Variants in SLIT3 observed in about 807,000 individuals in gnomAD.
SLIT3 encodes slit homolog 3 protein.
In SLIT3, 68 loss-of-function variants were observed where a neutral mutation model predicts 184.0. The ratio of observed to expected loss-of-function variants is 0.37; its 90% CI spans 0.30 to 0.45. The LOEUF (loss-of-function observed/expected upper bound fraction) is 0.45, where lower values mean the gene tolerates loss of function less well. Ranked by LOEUF, SLIT3 falls within the 20% of genes least tolerant of loss-of-function variation. The pLI, the probability that SLIT3 is intolerant of heterozygous loss-of-function variation, is 1.00. For missense variants in SLIT3, 1,707 were observed against 2,026.0 expected, an observed-to-expected ratio of 0.84 and a Z score of 3.02; for synonymous variants, 831 against 828.6, an observed-to-expected ratio of 1.00 and a Z score of -0.05.
Position 168,806,595 on chromosome 5 carries a change from G to A in SLIT3, c.794-8C>T, listed in dbSNP as rs769889260. ...GGGGCTCCGAGTGGGGGGCTGTGGAGCCAAGACACAACGGTCAACTTATGT... is the reference window on the plus strand; with the variant it reads ...GGGGCTCCGAGTGGGGGGCTGTGGAACCAAGACACAACGGTCAACTTATGT... On this transcript the variant is annotated splice_polypyrimidine_tract_variant and splice_region_variant and intron_variant, in intron 8 of 35. Transcript: ENST00000519560. 2 of 1,613,970 alleles carry A rather than the reference G, an allele frequency of 1.2e-6. No homozygotes were observed. Among genetic ancestry groups the A allele is most frequent in the South Asian group, 2.2e-5 (2 of 91,074 alleles).
intron 20 of SLIT3, among the ~76,000 whole-genome samples, chr5:168,739,531 T>G (rs1006005329): frequency 2.6e-5 from 4 of 151,560 alleles, no homozygotes; most frequent in East Asian, 1.9e-4. Flanking sequence ...CAAGTGATTC[T>G]CCTGCCTCAC....
At chr5:168,790,960 G>C (rs1756342131) in intron 10 of SLIT3, 2 of 152,184 alleles carry the variant, frequency 1.3e-5, no homozygotes, top group Admixed American at 6.5e-5. Flanking sequence ...AGGCTCTTCG[G>C]CACAGCTGTC....
intron 1 of SLIT3, among the ~76,000 whole-genome samples, chr5:169,252,809 T>C (rs1433881419): frequency 6.6e-6 from 1 of 152,178 alleles, no homozygotes; most frequent in African/African-American, 2.4e-5. Flanking sequence ...CTTTATACAG[T>C]TGCATAAAAT....
At chr5:169,251,573 A>T in intron 1 of SLIT3, 114 bp from the exon 2 acceptor site, 1 of 733,182 alleles carries the variant, frequency 1.4e-6, no homozygotes, top group Admixed American at 1.8e-5. Flanking sequence ...GGCAATTCTG[A>T]TGATTAACGA....
At chr5:169,160,276 A>T (rs1469903806) in intron 4 of SLIT3, among the ~76,000 whole-genome samples, 2 of 152,256 alleles carry the variant, frequency 1.3e-5, no homozygotes, top group African/African-American at 4.8e-5. Context: ...TAATGAGAAA[A>T]TTACTGCTCA....
At chr5:168,702,835 T>C (rs968967892) in intron 26 of SLIT3, among the ~76,000 whole-genome samples, 1 of 152,114 alleles carries the variant, frequency 6.6e-6, no homozygotes, top group African/African-American at 2.4e-5. Context: ...ACATGGACCG[T>C]GAAGGGCAGG....
At chr5:169,030,113 T>A (rs1756971790) in intron 4 of SLIT3, among the ~76,000 whole-genome samples, 1 of 152,124 alleles carries the variant, frequency 6.6e-6, no homozygotes, top group Admixed American at 6.6e-5. Context: ...TGAAACTTGT[T>A]CTTTGACTAG....
intron 4 of SLIT3, among the ~76,000 whole-genome samples, chr5:168,945,602 T>A (rs192054466): frequency 6.6e-6 from 1 of 152,370 alleles, no homozygotes; most frequent in Admixed American, 6.5e-5. Context: ...AGAGGTTCTG[T>A]GTCTCCGCCT....
At chr5:168,957,103 C>T (rs1434300466) in intron 4 of SLIT3, among the ~76,000 whole-genome samples, 2 of 151,660 alleles carry the variant, frequency 1.3e-5, no homozygotes, top group African/African-American at 4.8e-5. Flanking sequence ...GTGGCGGGTG[C>T]CTATAATCCC....
chr5:169,043,388 A>G (rs1561627421), intron 4 of SLIT3, among the ~76,000 whole-genome samples: 3 of 152,228 alleles, frequency 2.0e-5, no homozygotes, highest in African/African-American at 7.2e-5. Flanking sequence ...ACACATAATG[A>G]GTTGGTAGTT....
At chr5:168,738,282 G>A (rs1230300445) in intron 20 of SLIT3, among the ~76,000 whole-genome samples, 3 of 152,110 alleles carry the variant, frequency 2.0e-5, no homozygotes, top group Non-Finnish European at 4.4e-5. Context: ...TCAGGACATC[G>A]CTACCAAATG....
At chr5:168,755,796 C>T (rs1754926335) in intron 16 of SLIT3, among the ~76,000 whole-genome samples, 1 of 152,162 alleles carries the variant, frequency 6.6e-6, no homozygotes, top group Non-Finnish European at 1.5e-5. Flanking sequence ...TCCGAGGCTG[C>T]ATGCTGACAT....
In SLIT3 at chr5:168,897,647, T is replaced by TAC. The variant is rs60243688; in HGVS notation, c.414-14313_414-14312dup. On this transcript the variant is annotated intron_variant, in intron 4 of 35. Transcript: ENST00000519560. ...GAAAGAGGATGGAGACAGGTGCACG[T>TAC]ACACACACACACACACACACACACA... Among the ~76,000 whole-genome samples, 600 of 141,514 alleles carry TAC rather than the reference T, an allele frequency of 4.2e-3. 11 individuals are homozygous for TAC. Among genetic ancestry groups the TAC allele is most frequent in the East Asian group, 0.037 (183 of 4,922 alleles). The allele number at this position is 141,514 out of a possible 152,430, so 92.8% of individuals were successfully genotyped here. A position where few individuals can be genotyped will look rare whatever the true frequency, so the allele number is the denominator to read the frequency against.
intron 35 of SLIT3, among the ~76,000 whole-genome samples, chr5:168,667,342 AACAT>A (rs1387756499): frequency 6.6e-6 from 1 of 152,250 alleles, no homozygotes; most frequent in African/African-American, 2.4e-5. Context: ...TTCATACAAG[AACAT>A]ACAGTATATG....
intron 5 of SLIT3, among the ~76,000 whole-genome samples, chr5:168,855,856 G>C (rs1040686432): frequency 1.3e-5 from 2 of 152,116 alleles, no homozygotes; most frequent in Admixed American, 1.3e-4. Context: ...CCTGAGTCTT[G>C]AGTGATTTTT....
chr5:169,044,934 A>C (rs1253943065), intron 4 of SLIT3, among the ~76,000 whole-genome samples: 1 of 152,144 alleles, frequency 6.6e-6, no homozygotes, highest in Non-Finnish European at 1.5e-5. Flanking sequence ...AAGCTTCCTT[A>C]GCTTCCCACT....
chr5:168,859,273 G>A (rs1338752672), intron 5 of SLIT3, among the ~76,000 whole-genome samples: 1 of 152,162 alleles, frequency 6.6e-6, no homozygotes, highest in Non-Finnish European at 1.5e-5. Context: ...TGCATTAACT[G>A]TAATGAAGCA....
chr5:168,695,192 C>T (rs1762017880), intron 28 of SLIT3, among the ~76,000 whole-genome samples: 1 of 152,220 alleles, frequency 6.6e-6, no homozygotes, highest in African/African-American at 2.4e-5. Context: ...TCACTCCTGA[C>T]ATAAAGGCCT....
chr5:168,673,111 TG>T, intron 33 of SLIT3, 65 bp downstream of exon 33: 1 of 1,525,916 alleles, frequency 6.6e-7, no homozygotes, highest in Non-Finnish European at 9.0e-7. Flanking sequence ...GGCAGTGGCC[TG>T]GGTTTCTGTA....
Sources: gnomAD v4.1 joint callset for allele counts (sites outside exome capture counted in the v4.1 genomes callset) on GRCh38, gnomAD v4.1.1 for gene constraint, MANE v1.5 for transcripts, NCBI Gene and HGNC (gene_info 2026-07-23, HGNC 2026-07-21) for gene names.